Variants in CEP152 observed in about 807,000 individuals in gnomAD.
CEP152 encodes the protein centrosomal protein 152.
Under a neutral mutation model 188.9 loss-of-function variants are expected in CEP152, and 132 were observed. That is an observed-to-expected ratio of 0.70 (90% confidence interval 0.61 to 0.81). The LOEUF (loss-of-function observed/expected upper bound fraction) is 0.81, where lower values mean the gene tolerates loss of function less well. CEP152 is among the 30% of genes least tolerant of loss of function. The pLI is 0.00. For missense variants in CEP152, 1,914 were observed against 1,969.8 expected, an observed-to-expected ratio of 0.97 and a Z score of 0.54; for synonymous variants, 649 against 666.6, an observed-to-expected ratio of 0.97 and a Z score of 0.41.
intron 1 of CEP152, among the ~76,000 whole-genome samples, chr15:48,807,943 GT>G (rs1176302434): frequency 6.6e-6 from 1 of 151,974 alleles, no homozygotes; most frequent in Non-Finnish European, 1.5e-5. Flanking sequence ...TATCTTTAAT[GT>G]TATTTTAAAT....
intron 19 of CEP152, among the ~76,000 whole-genome samples, chr15:48,759,274 T>G (rs1894506776): frequency 6.6e-6 from 1 of 152,212 alleles, no homozygotes; most frequent in Admixed American, 6.5e-5. Context: ...TTCTACACTT[T>G]TATTTAAAAA....
intron 6 of CEP152, among the ~76,000 whole-genome samples, chr15:48,794,756 G>T (rs1897188824): frequency 6.6e-6 from 1 of 152,312 alleles, no homozygotes; most frequent in South Asian, 2.1e-4. Flanking sequence ...GGCCACTGCT[G>T]TGAGGTTCAT....
Position 48,738,909 on chromosome 15 carries a change from C to T in CEP152, c.4473G>A (p.Pro1491=), listed in dbSNP as rs372672217. Residue 1491 remains proline, a synonymous_variant, in exon 27 of 27, where the codon CCG becomes CCA. Coordinates refer to ENST00000380950, the MANE Select transcript of CEP152 (RefSeq NM_001194998.2). Reference sequence around the variant, plus strand: ...CAAGAAAGGGGTATGCAGCTGAATGCGGAAGTGATTCAGAACCATTATCAC... The same window carrying T: ...CAAGAAAGGGGTATGCAGCTGAATGTGGAAGTGATTCAGAACCATTATCAC... The part of the protein sequence containing the change: ...LLSDNGSESL[P]HSAAYPFLGT... 3.1e-6 allele frequency: 5 copies of T among 1,614,040 alleles called. No individual in the cohort carries two copies. Among genetic ancestry groups the T allele is most frequent in the East Asian group, 2.2e-5 (1 of 44,902 alleles).
chr15:48,780,247 G>C (rs990489560), intron 12 of CEP152, among the ~76,000 whole-genome samples: 3 of 152,086 alleles, frequency 2.0e-5, no homozygotes, highest in Non-Finnish European at 4.4e-5. Context: ...GTAGGGATGA[G>C]AGTCCCTGAA....
At chr15:48,754,067 T>G (rs1566984660) in intron 20 of CEP152, among the ~76,000 whole-genome samples, 1 of 152,214 alleles carries the variant, frequency 6.6e-6, no homozygotes, top group Non-Finnish European at 1.5e-5. Context: ...TAGCTTTACC[T>G]CAAGGTCCTG....
At chr15:48,775,060 G>T (rs556779580) in intron 12 of CEP152, among the ~76,000 whole-genome samples, 33 of 151,816 alleles carry the variant, frequency 2.2e-4, no homozygotes, top group Admixed American at 6.6e-4. Context: ...AAGAAAAAAA[G>T]GAGTGAACTT....
chr15:48,762,648 G>A lies in CEP152; in HGVS notation c.2305C>T (p.Leu769Phe), dbSNP rs1481262545. 6.2e-7 allele frequency: 1 copy of A among 1,613,762 alleles called. No individual in the cohort carries two copies. The highest frequency in any genetic ancestry group is 8.5e-7 in the Non-Finnish European group (1 of 1,179,980). ...AGCTTAGACTGCCACTCCTTTTCAA[G>A]CTGTTGAATGAGTTTTTCTTTGATC... ...EKIKEKLIQQ[L>F]EKEWQSKLDQ... Residue 769 changes from leucine (L) to phenylalanine (F), a missense_variant, in exon 18 of 27, where the codon CTT becomes TTT. Transcript: ENST00000380950.
chr15:48,777,867 AG>A (rs1455800244), intron 12 of CEP152, among the ~76,000 whole-genome samples: 1 of 152,152 alleles, frequency 6.6e-6, no homozygotes, highest in Non-Finnish European at 1.5e-5. Flanking sequence ...GAGGGAGCCA[AG>A]TCAGAGAGAG....
intron 26 of CEP152, chr15:48,740,476 A>G (rs1892868128): frequency 6.6e-6 from 1 of 151,942 alleles, no homozygotes; most frequent in South Asian, 2.1e-4. Flanking sequence ...GTTTCAAACT[A>G]CTATTATGTC....
chr15:48,771,269 T>G, intron 13 of CEP152, among the ~76,000 whole-genome samples: 1 of 138,894 alleles, frequency 7.2e-6, no homozygotes, highest in Non-Finnish European at 1.5e-5. Flanking sequence ...GCTCTGTAAA[T>G]TCAAAAGTGT....
intron 17 of CEP152, among the ~76,000 whole-genome samples, chr15:48,764,010 G>A (rs1033374559): frequency 5.3e-5 from 8 of 152,140 alleles, no homozygotes; most frequent in African/African-American, 1.4e-4. Context: ...GAGTTGGGTC[G>A]AAAAGTCAAG....
intron 5 of CEP152, among the ~76,000 whole-genome samples, chr15:48,796,435 G>T (rs994069447): frequency 2.0e-5 from 3 of 151,248 alleles, no homozygotes; most frequent in Admixed American, 6.6e-5. Context: ...ACACAATGAA[G>T]GCAATTTTAT....
intron 26 of CEP152, among the ~76,000 whole-genome samples, chr15:48,740,268 T>A (rs1306204206): frequency 6.6e-6 from 1 of 152,200 alleles, no homozygotes; most frequent in Admixed American, 6.5e-5. Context: ...ATCTAATCTT[T>A]TATTTACCTC....
rs1892749621 is a variant in CEP152 at position 48,738,794 on chromosome 15, T to C, written c.4588A>G (p.Arg1530Gly). Residue 1530 changes from arginine to glycine, a missense_variant, in exon 27 of 27, where the codon AGA becomes GGA. Physicochemically the swap from Arg to Gly is moderately radical, Grantham distance 125. Transcript: ENST00000380950. Reference protein sequence around the residue: ...MHITFRDSNERLGLKVYKCNP... With the variant: ...MHITFRDSNEGLGLKVYKCNP... The stretch of plus-strand genomic sequence containing the variant: ...CATTTATATACTTTTAAACCAAGTC[T>C]TTCATTAGAATCGCGAAAGGTTATA... 1 of 1,614,064 alleles carries C rather than the reference T, an allele frequency of 6.2e-7. No homozygotes were observed. The highest frequency in any genetic ancestry group is 1.7e-5 in the Admixed American group (1 of 60,006).
intron 24 of CEP152, among the ~76,000 whole-genome samples, chr15:48,742,363 T>C (rs552250612): frequency 6.6e-6 from 1 of 152,294 alleles, no homozygotes; most frequent in South Asian, 2.1e-4. Flanking sequence ...CAGCTAAATT[T>C]TGTCATATTC....
chr15:48,806,413 A>G (rs569877423), intron 1 of CEP152, among the ~76,000 whole-genome samples: 1 of 147,320 alleles, frequency 6.8e-6, no homozygotes, highest in Non-Finnish European at 1.6e-5. Flanking sequence ...ACTTGTACTT[A>G]GGGATCCTGA....
chr15:48,791,035 A>T (rs147504495), intron 8 of CEP152, among the ~76,000 whole-genome samples: 117 of 152,318 alleles, frequency 7.7e-4, no homozygotes, highest in African/African-American at 2.7e-3. Context: ...CAGTTCTCCA[A>T]ATGGAGAAGC....
At chr15:48,745,801 T>G (rs901578960) in intron 22 of CEP152, among the ~76,000 whole-genome samples, 1 of 152,212 alleles carries the variant, frequency 6.6e-6, no homozygotes, top group Non-Finnish European at 1.5e-5. Context: ...CTAACTTTGC[T>G]GCTTACAAGG....
chr15:48,776,940 G>A (rs937672214), intron 12 of CEP152, among the ~76,000 whole-genome samples: 2 of 151,946 alleles, frequency 1.3e-5, no homozygotes, highest in Non-Finnish European at 2.9e-5. Flanking sequence ...CTGCCCTTAA[G>A]ATGAGGTGAT....
Sources: gnomAD v4.1 joint callset for allele counts (sites outside exome capture counted in the v4.1 genomes callset) on GRCh38, gnomAD v4.1.1 for gene constraint, MANE v1.5 for transcripts, NCBI Gene and HGNC (gene_info 2026-07-23, HGNC 2026-07-21) for gene names.